OAT: variants seen among roughly 807,000 people sequenced by gnomAD.
The protein encoded by OAT is ornithine aminotransferase, mitochondrial.
Under a neutral mutation model 48.4 loss-of-function variants are expected in OAT, and 35 were observed. That is an observed-to-expected ratio of 0.72 (90% CI 0.55 to 0.96). The LOEUF is 0.96. OAT is among the 40% of genes least tolerant of loss of function. The pLI is 0.00. For missense variants in OAT, 438 were observed against 537.9 expected (o/e 0.81, Z 1.84); for synonymous variants, 182 against 198.4 (o/e 0.92, Z 0.70).
At chr10:124,418,677 T>C (rs867856121) in intron 1 of OAT, among the ~76,000 whole-genome samples, 196 bp downstream of exon 1, 1 of 141,292 alleles carries the variant, frequency 7.1e-6, no homozygotes, top group Non-Finnish European at 1.5e-5. Context: ...GGCGCCCGGG[T>C]CCGAGCCGCC....
intron 7 of OAT, 38 bp from the exon 8 acceptor site, chr10:124,401,877 C>G: frequency 6.9e-7 from 1 of 1,446,390 alleles, no homozygotes; most frequent in South Asian, 1.1e-5. Context: ...TTTCTCAGCA[C>G]TAAGCATTCT....
chr10:124,406,336 C>T (rs948257493), intron 4 of OAT, among the ~76,000 whole-genome samples: 6 of 151,480 alleles, frequency 4.0e-5, no homozygotes, highest in African/African-American at 1.5e-4. Context: ...ACTAAAAATA[C>T]AAAAATTAGC....
chr10:124,404,705 CATGTACCACCATGCCCAG>C, intron 5 of OAT, among the ~76,000 whole-genome samples: 1 of 152,176 alleles, frequency 6.6e-6, no homozygotes, highest in African/African-American at 2.4e-5. Flanking sequence ...GGATTACAGG[CATGTACCACCATGCCCAG>C]CCTGTTTTCT....
chr10:124,417,987 G>GC (rs1951971660), intron 1 of OAT, among the ~76,000 whole-genome samples: 1 of 152,232 alleles, frequency 6.6e-6, no homozygotes, highest in Non-Finnish European at 1.5e-5. Context: ...CAGTCCTCTC[G>GC]CCAGCAAAGG....
In OAT at chr10:124,405,516, C is replaced by T; in HGVS notation, c.568G>A (p.Asp190Asn). 6.2e-7 allele frequency: 1 copy of T among 1,614,100 alleles called. No individual in the cohort carries two copies. The highest frequency in any genetic ancestry group is 8.5e-7 in the Non-Finnish European group (1 of 1,179,998). Residue 190 changes from aspartate (D) to asparagine (N), a missense_variant, in exon 5 of 10, where the codon GAC (aspartate) becomes AAC (asparagine). Asp to Asn is a conservative substitution (Grantham distance 23). Transcript: ENST00000368845. ...CCAAAACCATCGTAACTGGTTGGGT[C>T]TGTGGAACTGGAGATAGCAGACAAC... ...RTLSAISSST[D>N]PTSYDGFGPF... is the part of the protein sequence containing the mutation.
chr10:124,408,343 A>ATAT (rs1434453635), intron 4 of OAT, among the ~76,000 whole-genome samples, 199 bp downstream of exon 4: 23 of 83,800 alleles, frequency 2.7e-4, no homozygotes, highest in South Asian at 9.5e-4. Flanking sequence ...ATATATATAT[A>ATAT]TTTTTTTTTT....
At chr10:124,398,155 C>T (rs1951290268) in intron 9 of OAT, 53 bp from the exon 10 acceptor site, 1 of 1,598,932 alleles carries the variant, frequency 6.3e-7, no homozygotes, top group Non-Finnish European at 8.6e-7. Context: ...TTAAACATCC[C>T]TTGCCGTATG....
chr10:124,411,848 T>C, intron 2 of OAT, 125 bp downstream of exon 2: 1 of 792,900 alleles, frequency 1.3e-6, no homozygotes, highest in Non-Finnish European at 2.1e-6. Flanking sequence ...GAAGAAGAAT[T>C]AACCATGTCT....
rs1952013375 is a variant in OAT, at chr10:124,418,917, G to A, written c.-74C>T. 6.6e-6 allele frequency: 1 copy of A among 152,316 alleles called. No homozygotes were observed. The highest frequency in any genetic ancestry group is 1.5e-5 in the Non-Finnish European group (1 of 68,122). The allele number at this position is 152,316 out of a possible 1,614,324, so 9.4% of individuals were successfully genotyped here. A position where few individuals can be genotyped will look rare whatever the true frequency, so the allele number is the denominator to read the frequency against. On this transcript the variant is annotated 5_prime_UTR_variant, in exon 1 of 10. Transcript: ENST00000368845. ...ACCGGGTACACGCGGCGTCTATGAA[G>A]CGCAACAGTGACGCCGGAGAGTCAC...
At position 124,405,573 on chromosome 10, in the gene OAT, G is replaced by C; in HGVS notation, c.521-10C>G. 6.2e-7 allele frequency: 1 copy of C among 1,613,296 alleles called. No individual in the cohort carries two copies. Among genetic ancestry groups the C allele is most frequent in the Non-Finnish European group, 8.5e-7 (1 of 1,179,600 alleles). On this transcript the variant is annotated splice_polypyrimidine_tract_variant and intron_variant, in intron 4 of 9. Transcript: ENST00000368845. The stretch of plus-strand genomic sequence containing the variant: ...CCCCAGAAGTTCCCAGCTACAAAGG[G>C]GAAACAAACAGTGATTATTTCAAAG...
chr10:124,406,698 C>G (rs1256584198), intron 4 of OAT, among the ~76,000 whole-genome samples: 2 of 151,238 alleles, frequency 1.3e-5, no homozygotes, highest in African/African-American at 4.9e-5. Flanking sequence ...CGCCTGTAAT[C>G]CCAGCTACAC....
chr10:124,406,940 A>G (rs1223689607), intron 4 of OAT: 1 of 984,586 alleles, frequency 1.0e-6, no homozygotes, highest in East Asian at 1.1e-4. Flanking sequence ...ATAATTTCAG[A>G]GAGGATGACA....
At chr10:124,400,006 G>A (rs1490059689) in intron 9 of OAT, among the ~76,000 whole-genome samples, 1 of 152,000 alleles carries the variant, frequency 6.6e-6, no homozygotes, top group Non-Finnish European at 1.5e-5. Context: ...AAGGAACAAG[G>A]GTCAAATTGG....
rs543521770 is a variant in OAT at position 124,400,927 on chromosome 10, T to C, written c.1072A>G (p.Asn358Asp). 3.1e-6 allele frequency: 5 copies of C among 1,610,472 alleles called. No homozygotes were observed. The highest frequency in any genetic ancestry group is 2.2e-5 in the South Asian group (2 of 90,902). ...NADKLGIILR[N>D]ELMKLPSDVV... ...TCAGAAGGTAGCTTCATGAGTTCAT[T>C]TCTCAAGATAATGCCCAATTTGTCT... The change falls in exon 9 of 10, where the codon AAT becomes GAT. Residue 358 changes from asparagine to aspartate, a missense_variant. Transcript: ENST00000368845.
chr10:124,405,941 T>G (rs1288806885), intron 4 of OAT: 1 of 1,141,402 alleles, frequency 8.8e-7, no homozygotes, highest in African/African-American at 1.6e-5. Context: ...GATAGTGATA[T>G]GAGAAAGAAT....
intron 1 of OAT, chr10:124,414,444 T>C (rs1951854066): frequency 6.6e-6 from 1 of 152,200 alleles, no homozygotes; most frequent in South Asian, 2.1e-4. Context: ...TGAAATAAAA[T>C]GCAGAATTAC....
At chr10:124,404,167 A>G (rs772276151) in intron 5 of OAT, among the ~76,000 whole-genome samples, 1 of 151,842 alleles carries the variant, frequency 6.6e-6, no homozygotes, top group Non-Finnish European at 1.5e-5. Context: ...AGCAGCACAA[A>G]CATGGCCCAC....
At position 124,416,567 on chromosome 10, in the gene OAT, T is replaced by C. The variant is rs1478876036; in HGVS notation, c.-30+2306A>G. Reference sequence around the variant, plus strand: ...ACAAATTGCTCTTGGCAAGCTAGAATTCTAACACTGAAGGTTTTATCCACG... The same window carrying C: ...ACAAATTGCTCTTGGCAAGCTAGAACTCTAACACTGAAGGTTTTATCCACG... On this transcript the variant is annotated intron_variant, in intron 1 of 9. Coordinates refer to ENST00000368845, the MANE Select transcript of OAT (RefSeq NM_000274.4). 2.0e-5 allele frequency among the ~76,000 whole-genome samples: 3 copies of C among 152,326 alleles called. 1 individual carries two copies. Among genetic ancestry groups the C allele is most frequent in the East Asian group, 3.9e-4 (2 of 5,182 alleles).
At chr10:124,412,491 CA>C (rs1951786836) in intron 1 of OAT, among the ~76,000 whole-genome samples, 1 of 150,788 alleles carries the variant, frequency 6.6e-6, no homozygotes, top group South Asian at 2.1e-4. Context: ...ACCTGGGAGA[CA>C]AAGAAAGGCC....
Sources: gnomAD v4.1 joint callset for allele counts (sites outside exome capture counted in the v4.1 genomes callset) on GRCh38, gnomAD v4.1.1 for gene constraint, MANE v1.5 for transcripts, NCBI Gene and HGNC (gene_info 2026-07-23, HGNC 2026-07-21) for gene names.